The following HNRNPUL2 variants were observed in gnomAD, a reference collection of about 807,000 sequenced individuals.
HNRNPUL2 encodes heterogeneous nuclear ribonucleoprotein U-like protein 2.
Under a neutral mutation model 102.2 loss-of-function variants are expected in HNRNPUL2, and 27 were observed. The ratio of observed to expected loss-of-function variants is 0.26; its 90% CI spans 0.19 to 0.36. HNRNPUL2 has a LOEUF of 0.36. HNRNPUL2 is among the 10% of genes least tolerant of loss of function. HNRNPUL2 has a pLI of 1.00. For missense variants in HNRNPUL2, 936 were observed against 981.1 expected, an observed-to-expected ratio of 0.95 and a Z score of 0.61; for synonymous variants, 458 against 387.2, an observed-to-expected ratio of 1.18 and a Z score of -2.15.
intron 3 of HNRNPUL2, 58 bp downstream of exon 3, chr11:62,723,856 T>C (rs941791522): frequency 5.0e-6 from 8 of 1,600,528 alleles, no homozygotes; most frequent in Non-Finnish European, 6.8e-6. Context: ...AGTTTTAATC[T>C]CCAAAATCAC....
At chr11:62,723,220 G>A (rs752182299) in intron 4 of HNRNPUL2, among the ~76,000 whole-genome samples, 1 of 152,194 alleles carries the variant, frequency 6.6e-6, no homozygotes, top group Non-Finnish European at 1.5e-5. Flanking sequence ...AGCCAGGTGC[G>A]GTAGCTCATG....
At position 62,727,289 on chromosome 11, in the gene HNRNPUL2, C is replaced by T. The variant is rs1205412539; in HGVS notation, c.-133G>A. 8.8e-7 allele frequency: 1 copy of T among 1,137,472 alleles called. No individual in the cohort carries two copies. Among genetic ancestry groups the T allele is most frequent in the Non-Finnish European group, 1.1e-6 (1 of 907,626 alleles). 70.5% of individuals were successfully genotyped at this position (1,137,472 alleles called of 1,614,324 possible). ...AGCACTGAGCCCGCGCGAGCGAGCGCACGCACGCAGGAGCGGAGGCCGCGC... is the reference window on the plus strand; with the variant it reads ...AGCACTGAGCCCGCGCGAGCGAGCGTACGCACGCAGGAGCGGAGGCCGCGC... On this transcript the variant is annotated 5_prime_UTR_variant, in exon 1 of 14. Transcript: ENST00000301785.
Position 62,722,639 on chromosome 11 carries a change from G to C in HNRNPUL2, c.1057C>G (p.Gln353Glu). The C allele has an allele frequency of 6.2e-7, 1 of 1,613,972 alleles. No individual in the cohort carries two copies. Among genetic ancestry groups the C allele is most frequent in the Non-Finnish European group, 8.5e-7 (1 of 1,179,940 alleles). The change falls in exon 6 of 14, where the codon CAG becomes GAG. Residue 353 changes from glutamine (Q) to glutamate (E), a missense_variant. Coordinates refer to ENST00000301785, the MANE Select transcript of HNRNPUL2 (RefSeq NM_001079559.3). ...ATAACATCATTCTCCCCAAAAGTCTGGCCAAATTCCTCAAATTGTCCATTT... is the reference window on the plus strand; with the variant it reads ...ATAACATCATTCTCCCCAAAAGTCTCGCCAAATTCCTCAAATTGTCCATTT... ...AENGQFEEFGQTFGENDVIGC... is the reference protein window; with the variant it reads ...AENGQFEEFGETFGENDVIGC...
chr11:62,723,949 T>C lies in HNRNPUL2; in HGVS notation c.716A>G (p.Glu239Gly). 6.2e-7 allele frequency: 1 copy of C among 1,614,164 alleles called. No homozygotes were observed. The highest frequency in any genetic ancestry group is 8.5e-7 in the Non-Finnish European group (1 of 1,179,982). ...GTTCACAAGAGTTTGATCCTCCTCC[T>C]CATCTTTTGCCTCTTCTTCAGGAGG... ...PLPPEEEAKD[E>G]EEDQTLVNLD... The change falls in exon 3 of 14, where the codon GAG becomes GGG. Residue 239 changes from glutamate (E) to glycine (G), a missense_variant. Physicochemically the swap from Glu to Gly is moderately conservative, Grantham distance 98. Around this residue, in one of 2 missense-constraint regions of HNRNPUL2, gnomAD observed 609 missense variants for 713.0 expected, o/e 0.85. Coordinates refer to ENST00000301785, the MANE Select transcript of HNRNPUL2 (RefSeq NM_001079559.3).
In HNRNPUL2 at chr11:62,722,831, A is replaced by T. The variant is rs1238120219; in HGVS notation, c.964T>A (p.Phe322Ile). The change falls in exon 5 of 14, where the codon TTT becomes ATT. Residue 322 changes from phenylalanine (F) to isoleucine (I), a missense_variant. By Grantham distance (21) the Phe-to-Ile change is conservative (BLOSUM62 0). Around this residue, in one of 2 missense-constraint regions of HNRNPUL2, gnomAD observed 609 missense variants for 713.0 expected, o/e 0.85. Coordinates refer to ENST00000301785, the MANE Select transcript of HNRNPUL2 (RefSeq NM_001079559.3). The stretch of plus-strand genomic sequence containing the variant: ...ACTTTACCAAGCTGTGGACGGGAAA[A>T]ATCAACAGACCACCCAACTCGAAGG... ...SLLRVGWSVD[F>I]SRPQLGEDEF... 1.2e-6 allele frequency: 2 copies of T among 1,614,018 alleles called. No individual in the cohort carries two copies. The highest frequency in any genetic ancestry group is 2.7e-5 in the African/African-American group (2 of 74,912).
chr11:62,723,722 G>C lies in HNRNPUL2; in HGVS notation c.756C>G (p.Thr252=), dbSNP rs368103141. 2 of 1,613,878 alleles carry C rather than the reference G, an allele frequency of 1.2e-6. No homozygotes were observed. The highest frequency in any genetic ancestry group is 2.7e-5 in the African/African-American group (2 of 74,854). Residue 252 remains threonine, a synonymous_variant, in exon 4 of 14, where the codon ACC becomes ACG. Coordinates refer to ENST00000301785, the MANE Select transcript of HNRNPUL2 (RefSeq NM_001079559.3). ...DQTLVNLDTY[T]SDLHFQVSKD... is the part of the protein sequence containing the mutation. ...TGCTCACTTGAAAATGCAGATCCGA[G>C]GTATCTGTAAAGAAAGAAGCAATCA...
intron 7 of HNRNPUL2, 61 bp from the exon 8 acceptor site, chr11:62,722,003 C>A: frequency 6.2e-7 from 1 of 1,608,444 alleles, no homozygotes; most frequent in Non-Finnish European, 8.5e-7. Context: ...TTATCAAAAC[C>A]AATTTAAGAA....
At chr11:62,721,572 T>A (rs2083703388) in intron 8 of HNRNPUL2, 149 bp from the exon 9 acceptor site, 2 of 866,886 alleles carry the variant, frequency 2.3e-6, no homozygotes, top group East Asian at 5.0e-5. Flanking sequence ...GTGAATGTTG[T>A]CCATTTCCTG....
In HNRNPUL2 at chr11:62,727,097, C is replaced by G; in HGVS notation, c.60G>C (p.Leu20=). 1 of 1,448,368 alleles carries G rather than the reference C, an allele frequency of 6.9e-7. No homozygotes were observed. Among genetic ancestry groups the G allele is most frequent in the South Asian group, 1.3e-5 (1 of 75,868 alleles). The allele number at this position is 1,448,368 out of a possible 1,614,324, so 89.7% of individuals were successfully genotyped here. A position where few individuals can be genotyped will look rare whatever the true frequency, so the allele number is the denominator to read the frequency against. ...GATCCACCTTGAGGCCGCGCGAGTC[C>G]AGGCCCCGCCGCTGCAGCTCCGACC... ...ELRSELQRRG[L]DSRGLKVDLA... Residue 20 remains leucine (L), a synonymous_variant, in exon 1 of 14, where the codon CTG becomes CTC. Coordinates refer to ENST00000301785, the MANE Select transcript of HNRNPUL2 (RefSeq NM_001079559.3).
At chr11:62,718,562 G>A (rs1318585777) in intron 10 of HNRNPUL2, among the ~76,000 whole-genome samples, 4 of 151,722 alleles carry the variant, frequency 2.6e-5, no homozygotes, top group African/African-American at 4.8e-5. Flanking sequence ...TTAGCTGGGC[G>A]GGCACCTGTA....
Position 62,721,342 on chromosome 11 carries a change from G to T in HNRNPUL2, c.1564C>A (p.Leu522Met). ...VQQASQCLSK[L>M]VQIASRTKRN... ...TTTGTCCGGGAAGCAATCTGGACCA[G>T]CTTACTAAGGCACTGGGAGGCTTGC... The change falls in exon 9 of 14, where the codon CTG (leucine) becomes ATG (methionine). Residue 522 changes from leucine (L) to methionine (M), a missense_variant. Transcript: ENST00000301785. The T allele has an allele frequency of 6.2e-7, 1 of 1,609,724 alleles. No individual in the cohort carries two copies. Among genetic ancestry groups the T allele is most frequent in the South Asian group, 1.1e-5 (1 of 89,996 alleles).
intron 1 of HNRNPUL2, 101 bp from the exon 2 acceptor site, chr11:62,724,527 T>G (rs1260987801): frequency 1.5e-6 from 2 of 1,317,144 alleles, no homozygotes; most frequent in Non-Finnish European, 2.2e-6. Flanking sequence ...ATCTGTCTGA[T>G]CAAAACAGCC....
At position 62,726,791 on chromosome 11, in the gene HNRNPUL2, C is replaced by A; in HGVS notation, c.366G>T (p.Ala122=). ...EPPEAAAMEA[A]AEPDASEKPA... ...GCTTCTCGGAAGCATCTGGCTCGGCCGCGGCCTCCATGGCTGCCGCCTCCG... is the reference window on the plus strand; with the variant it reads ...GCTTCTCGGAAGCATCTGGCTCGGCAGCGGCCTCCATGGCTGCCGCCTCCG... Residue 122 remains alanine (A), a synonymous_variant, in exon 1 of 14, where the codon GCG becomes GCT. Transcript: ENST00000301785. 6.3e-7 allele frequency: 1 copy of A among 1,599,472 alleles called. No individual in the cohort carries two copies. Among genetic ancestry groups the A allele is most frequent in the Non-Finnish European group, 8.5e-7 (1 of 1,178,932 alleles).
At chr11:62,724,022 G>A (rs764563078) in intron 2 of HNRNPUL2, 32 bp from the exon 3 acceptor site, 8 of 1,554,150 alleles carry the variant, frequency 5.1e-6, no homozygotes, top group Non-Finnish European at 7.1e-6. Context: ...GAAACACAAT[G>A]TAAACAAAGC....
chr11:62,723,785 G>C, intron 3 of HNRNPUL2, 59 bp from the exon 4 acceptor site: 1 of 1,610,352 alleles, frequency 6.2e-7, no homozygotes. Context: ...GCCGCCAACA[G>C]AGCATAAGTA....
Position 62,721,311 on chromosome 11 carries a change from T to C in HNRNPUL2, c.1595A>G (p.Asn532Ser), listed in dbSNP as rs2083700940. Residue 532 changes from asparagine to serine, a missense_variant, in exon 9 of 14, where the codon AAC becomes AGC. Asn to Ser is a conservative substitution (Grantham distance 46, BLOSUM62 1). Transcript: ENST00000301785. Reference protein sequence around the residue: ...LVQIASRTKRNFILDQCNVYN... With the variant: ...LVQIASRTKRSFILDQCNVYN... ...GATTAATACCTGATCAAGAATAAAG[T>C]TCCTCTTTGTCCGGGAAGCAATCTG... The C allele has an allele frequency of 1.9e-6, 3 of 1,607,782 alleles. No homozygotes were observed. The highest frequency in any genetic ancestry group is 2.5e-6 in the Non-Finnish European group (3 of 1,178,210).
chr11:62,727,176 G>T lies in HNRNPUL2; in HGVS notation c.-20C>A. 7.1e-7 allele frequency: 1 copy of T among 1,404,252 alleles called. No individual in the cohort carries two copies. The highest frequency in any genetic ancestry group is 9.3e-7 in the Non-Finnish European group (1 of 1,079,332). The allele number at this position is 1,404,252 out of a possible 1,614,324, so 87.0% of individuals were successfully genotyped here. ...CTCCATCGCCGCCGCCGCCTCCTCCGCCTCCCGCCGCCTCCTCCCCTGCGA... is the reference window on the plus strand; with the variant it reads ...CTCCATCGCCGCCGCCGCCTCCTCCTCCTCCCGCCGCCTCCTCCCCTGCGA... On this transcript the variant is annotated 5_prime_UTR_variant, in exon 1 of 14. Coordinates refer to ENST00000301785, the MANE Select transcript of HNRNPUL2 (RefSeq NM_001079559.3).
rs754130691 is a variant in HNRNPUL2, at chr11:62,722,856, G to A, written c.939C>T (p.Leu313=). 5 of 1,614,024 alleles carry A rather than the reference G, an allele frequency of 3.1e-6. No homozygotes were observed. Among genetic ancestry groups the A allele is most frequent in the Admixed American group, 1.7e-5 (1 of 59,984 alleles). ...AATCAACAGACCACCCAACTCGAAG[G>A]AGAGAGACCTCTGTGCAGCCTTCTT... is the stretch of plus-strand genomic sequence containing the variant. ...PMKEGCTEVS[L]LRVGWSVDFS... Residue 313 remains leucine (L), a synonymous_variant, in exon 5 of 14, where the codon CTC becomes CTT. Coordinates refer to ENST00000301785, the MANE Select transcript of HNRNPUL2 (RefSeq NM_001079559.3).
chr11:62,723,788 C>A (rs2083722868), intron 3 of HNRNPUL2, 62 bp from the exon 4 acceptor site: 5 of 1,608,672 alleles, frequency 3.1e-6, no homozygotes, highest in Non-Finnish European at 4.3e-6. Flanking sequence ...GCCAACAGAG[C>A]ATAAGTATAC....
Sources: allele counts gnomAD v4.1 joint callset (sites outside exome capture counted in the v4.1 genomes callset), GRCh38; gene constraint gnomAD v4.1.1; regional missense constraint gnomAD v4.1.1; transcripts MANE v1.5; gene names NCBI Gene and HGNC (gene_info 2026-07-23, HGNC 2026-07-21).